Variants in GPR146 observed in about 807,000 individuals in gnomAD.
The protein encoded by GPR146 is G-protein coupled receptor 146.
For synonymous variants in GPR146, 203 were observed against 104.3 expected (o/e 1.95, Z -5.77); for missense variants, 381 against 213.9 (o/e 1.78, Z -4.87).
chr7:1,048,992 T>A (rs1782842577), intron 1 of GPR146, among the ~76,000 whole-genome samples: 1 of 152,336 alleles, frequency 6.6e-6, no homozygotes, highest in South Asian at 2.1e-4. Context: ...ATAAAAACCA[T>A]AAAACTGCAA....
At chr7:1,053,186 C>T (rs1783312455) in intron 1 of GPR146, among the ~76,000 whole-genome samples, 1 of 150,450 alleles carries the variant, frequency 6.6e-6, no homozygotes, top group African/African-American at 2.4e-5. Context: ...AGACCACGGA[C>T]AGGCAAGGAG....
intron 1 of GPR146, among the ~76,000 whole-genome samples, chr7:1,051,417 C>T (rs1783101205): frequency 6.6e-6 from 1 of 152,208 alleles, no homozygotes; most frequent in Non-Finnish European, 1.5e-5. Flanking sequence ...GCGTGGGGAG[C>T]ACATTTGCTC....
chr7:1,053,475 C>CTCGCCA (rs1783365622), intron 1 of GPR146, among the ~76,000 whole-genome samples: 1 of 152,348 alleles, frequency 6.6e-6, no homozygotes, highest in African/African-American at 2.4e-5. Context: ...GCTCACATGA[C>CTCGCCA]TCGCCAGGCC....
chr7:1,050,082 C>T (rs1782953555), intron 1 of GPR146, among the ~76,000 whole-genome samples: 1 of 152,238 alleles, frequency 6.6e-6, no homozygotes, highest in Non-Finnish European at 1.5e-5. Flanking sequence ...CTCTGAACCG[C>T]AAGCACAGGG....
intron 1 of GPR146, chr7:1,045,518 T>A (rs925059617): frequency 6.6e-6 from 1 of 152,220 alleles, no homozygotes; most frequent in African/African-American, 2.4e-5. Flanking sequence ...CTCTGCAAAC[T>A]TGTATGAGTA....
chr7:1,057,759 G>A lies in GPR146; in HGVS notation c.244G>A (p.Val82Met), dbSNP rs1360114763. The A allele has an allele frequency of 2.6e-6, 2 of 775,886 alleles. No homozygotes were observed. Among genetic ancestry groups the A allele is most frequent in the Non-Finnish European group, 4.8e-6 (2 of 417,770 alleles). 48.1% of individuals were successfully genotyped at this position (775,886 alleles called of 1,614,324 possible). A position where few individuals can be genotyped will look rare whatever the true frequency, so the allele number is the denominator to read the frequency against. Residue 82 changes from valine (V) to methionine (M), a missense_variant, in exon 2 of 2, where the codon GTG becomes ATG. Val to Met is a conservative substitution (Grantham distance 21). Coordinates refer to ENST00000444847, the MANE Select transcript of GPR146 (RefSeq NM_001303473.2). ...AGLVLSALAP[V>M]HLLGPPSSRW... ...CCTGGTGCTCAGCGCCCTGGCCCCT[G>A]TGCACCTGCTCGGCCCCCCGAGCTC...
chr7:1,046,102 A>G (rs1376872915), intron 1 of GPR146, among the ~76,000 whole-genome samples: 2 of 152,252 alleles, frequency 1.3e-5, no homozygotes, highest in East Asian at 3.8e-4. Flanking sequence ...AATCAATGGC[A>G]TACTGCACAG....
At chr7:1,056,735 G>A (rs1240269291) in intron 1 of GPR146, 2 of 152,224 alleles carry the variant, frequency 1.3e-5, no homozygotes, top group Non-Finnish European at 2.9e-5. Context: ...GATGCCGTCT[G>A]CTCGTCTGCC....
At position 1,055,848 on chromosome 7, in the gene GPR146, A is replaced by C. The variant is rs890812643; in HGVS notation, c.-24-1644A>C. Among the ~76,000 whole-genome samples, 4 of 152,146 alleles carry C rather than the reference A, an allele frequency of 2.6e-5. No individual in the cohort carries two copies. In the East Asian group the frequency reaches 7.7e-4, roughly 29 times the overall value. On this transcript the variant is annotated intron_variant, in intron 1 of 1. Transcript: ENST00000444847. ...CCTGGGCGCCCCGTGAGGCCAGGCC[A>C]GGCTGCTGACTGACACCCAGTCACA...
chr7:1,054,918 C>T (rs530502827), intron 1 of GPR146, among the ~76,000 whole-genome samples: 1 of 152,364 alleles, frequency 6.6e-6, no homozygotes, highest in African/African-American at 2.4e-5. Flanking sequence ...GCCAGGCCTT[C>T]GCTCGACAGT....
intron 1 of GPR146, among the ~76,000 whole-genome samples, chr7:1,054,861 C>T (rs1340946149): frequency 2.0e-5 from 3 of 152,256 alleles, no homozygotes; most frequent in Non-Finnish European, 2.9e-5. Context: ...CCTCGGCCTC[C>T]GCTGTGCCTC....
At chr7:1,057,147 G>A (rs982700444) in intron 1 of GPR146, among the ~76,000 whole-genome samples, 3 of 152,046 alleles carry the variant, frequency 2.0e-5, no homozygotes, top group Non-Finnish European at 4.4e-5. Flanking sequence ...GTAAACTTCG[G>A]GAATCACTGT....
chr7:1,055,003 G>A (rs777806848), intron 1 of GPR146, among the ~76,000 whole-genome samples: 16 of 152,166 alleles, frequency 1.1e-4, no homozygotes, highest in Non-Finnish European at 1.6e-4. Flanking sequence ...CACCAGGGGC[G>A]GCTGCATGGA....
intron 1 of GPR146, among the ~76,000 whole-genome samples, chr7:1,054,818 G>A (rs926712965): frequency 3.9e-5 from 6 of 152,212 alleles, no homozygotes; most frequent in Admixed American, 6.5e-5. Flanking sequence ...CCAGATGCAC[G>A]TGCTCCCCTC....
At chr7:1,047,257 C>T (rs1332745487) in intron 1 of GPR146, among the ~76,000 whole-genome samples, 5 of 152,176 alleles carry the variant, frequency 3.3e-5, no homozygotes, top group East Asian at 1.9e-4. Flanking sequence ...CCCCAGAGCC[C>T]GTCCTGGAGC....
At chr7:1,053,599 G>A (rs563721440) in intron 1 of GPR146, among the ~76,000 whole-genome samples, 5 of 152,320 alleles carry the variant, frequency 3.3e-5, no homozygotes, top group South Asian at 4.1e-4. Flanking sequence ...AGGCCGAGGT[G>A]GGCGGATCAC....
At chr7:1,048,199 A>C (rs993811267) in intron 1 of GPR146, among the ~76,000 whole-genome samples, 6 of 152,208 alleles carry the variant, frequency 3.9e-5, no homozygotes, top group African/African-American at 9.6e-5. Context: ...CGCAAAAGAC[A>C]GTGTGAAAGA....
At chr7:1,047,498 A>G (rs1020059717) in intron 1 of GPR146, among the ~76,000 whole-genome samples, 19 of 152,270 alleles carry the variant, frequency 1.2e-4, no homozygotes, top group Non-Finnish European at 1.3e-4. Context: ...AACCCTGTGA[A>G]AACAGCAGCC....
intron 1 of GPR146, among the ~76,000 whole-genome samples, chr7:1,051,636 G>A (rs1006892787): frequency 2.6e-5 from 4 of 152,196 alleles, no homozygotes; most frequent in Admixed American, 6.5e-5. Context: ...TGGGAAGGAC[G>A]GGCAGTAGGT....
Sources: allele counts gnomAD v4.1 joint callset (sites outside exome capture counted in the v4.1 genomes callset), GRCh38; gene constraint gnomAD v4.1.1; transcripts MANE v1.5; gene names NCBI Gene and HGNC (gene_info 2026-07-23, HGNC 2026-07-21).